The following CERS2 variants were observed in gnomAD, a reference collection of about 807,000 sequenced individuals.
The protein encoded by CERS2 is LAG1 homolog, ceramide synthase 2.
A neutral mutation model predicts 56.6 loss-of-function variants in CERS2; 20 were observed. The ratio of observed to expected loss-of-function variants is 0.35; its 90% CI spans 0.25 to 0.51. The LOEUF is 0.51. Among genes scored for constraint, CERS2 ranks in the 20% least tolerant of loss-of-function variants. The probability of loss-of-function intolerance (pLI) is 0.96; values close to 1 mark genes in which losing one functional copy is unlikely to be tolerated. For synonymous variants in CERS2, 187 were observed against 175.4 expected (o/e 1.07, Z -0.52); for missense variants, 361 against 488.6 (o/e 0.74, Z 2.46).
chr1:150,965,870 GA>G lies in CERS2; in HGVS notation c.*277del, dbSNP rs1277332315. ...AACCCCTACCCACAGAGAGCTGAGG[GA>G]GGGCCTCAAAAGCAGTAGAAAGGAT... On this transcript the variant is annotated 3_prime_UTR_variant, in exon 11 of 11. Coordinates refer to ENST00000368954, the MANE Select transcript of CERS2 (RefSeq NM_022075.5). 3 of 363,944 alleles carry G rather than the reference GA, an allele frequency of 8.2e-6. No individual in the cohort carries two copies. In the Admixed American group the frequency reaches 1.4e-4, roughly 17 times the overall value. 22.5% of individuals were successfully genotyped at this position (363,944 alleles called of 1,614,324 possible).
At chr1:150,972,892 G>A (rs1671219140) in intron 1 of CERS2, among the ~76,000 whole-genome samples, 1 of 152,232 alleles carries the variant, frequency 6.6e-6, no homozygotes, top group Admixed American at 6.5e-5. Flanking sequence ...CCCCATGGGA[G>A]TTTGTAGATC....
chr1:150,967,652 C>T lies in CERS2; in HGVS notation c.519+12G>A. ...CTTAGTCCACCCCCACATGAGGAAG[C>T]AGAACTCATACCTGTATGGGATATC... On this transcript the variant is annotated intron_variant, in intron 6 of 10. Coordinates refer to ENST00000368954, the MANE Select transcript of CERS2 (RefSeq NM_022075.5). 6.2e-7 allele frequency: 1 copy of T among 1,609,636 alleles called. No homozygotes were observed. Among genetic ancestry groups the T allele is most frequent in the East Asian group, 2.2e-5 (1 of 44,874 alleles).
Position 150,966,170 on chromosome 1 carries a change from T to G in CERS2, c.1121A>C (p.Asn374Thr). The change falls in exon 11 of 11, where the codon AAC (asparagine) becomes ACC (threonine). Residue 374 changes from asparagine to threonine, a missense_variant. By Grantham distance (65) the Asn-to-Thr change is moderately conservative. Transcript: ENST00000368954. Reference protein sequence around the residue: ...PLANGHPILNNNHRKND With the variant: ...PLANGHPILNTNHRKND Reference sequence around the variant, plus strand: ...GGTTCAGTCATTCTTACGATGGTTGTTATTGAGGATGGGGTGGCCATTGGC... The same window carrying G: ...GGTTCAGTCATTCTTACGATGGTTGGTATTGAGGATGGGGTGGCCATTGGC... 2 of 1,608,678 alleles carry G rather than the reference T, an allele frequency of 1.2e-6. No homozygotes were observed. The highest frequency in any genetic ancestry group is 1.7e-6 in the Non-Finnish European group (2 of 1,178,620).
rs1227227699 is a variant in CERS2 at position 150,966,471 on chromosome 1, T to C, written c.1002+5A>G. 1.9e-6 allele frequency: 3 copies of C among 1,614,018 alleles called. No individual in the cohort carries two copies. The highest frequency in any genetic ancestry group is 2.5e-6 in the Non-Finnish European group (3 of 1,180,022). ...AAGGCCTACACAATGGGAACAGGGC[T>C]TCACCTTTCCAGTTATGAACTTGTG... On this transcript the variant is annotated splice_donor_5th_base_variant and intron_variant, in intron 10 of 10. Coordinates refer to ENST00000368954, the MANE Select transcript of CERS2 (RefSeq NM_022075.5).
chr1:150,973,172 GT>G (rs908183770), intron 1 of CERS2: 57 of 152,400 alleles, frequency 3.7e-4, no homozygotes, highest in African/African-American at 1.3e-3. Context: ...AATGAGAGGT[GT>G]GTTATCCCTC....
rs376807185 is a variant in CERS2, at chr1:150,966,642, G to A, written c.849-13C>T. On this transcript the variant is annotated splice_polypyrimidine_tract_variant and intron_variant, in intron 9 of 10. Transcript: ENST00000368954. ...GCAATGCAGGATCCTGAGGATTCAA[G>A]GAGAGAGAGAACGTGGACAAGAGCA... 6.2e-7 allele frequency: 1 copy of A among 1,613,696 alleles called. No individual in the cohort carries two copies. The highest frequency in any genetic ancestry group is 1.3e-5 in the African/African-American group (1 of 74,830).
intron 8 of CERS2, 89 bp from the exon 9 acceptor site, chr1:150,966,951 GT>G (rs1671041531): frequency 7.0e-7 from 1 of 1,437,376 alleles, no homozygotes; most frequent in Non-Finnish European, 9.8e-7. Flanking sequence ...CACTGACTCT[GT>G]GCCCTCCTCC....
At chr1:150,966,389 C>T in intron 10 of CERS2, 87 bp downstream of exon 10, 5 of 1,599,732 alleles carry the variant, frequency 3.1e-6, no homozygotes, top group Non-Finnish European at 4.3e-6. Flanking sequence ...GGGCTCCACA[C>T]TAGTTTTTTA....
rs942003952 is a variant in CERS2 at position 150,967,166 on chromosome 1, T to C, written c.649A>G (p.Ile217Val). ...KEQIIHHVAT[I>V]ILISFSWFAN... ...AACCAGGAAAAGCTGATGAGAATGATGGTGGCCACATGGTGGATGATCTGT... is the reference window on the plus strand; with the variant it reads ...AACCAGGAAAAGCTGATGAGAATGACGGTGGCCACATGGTGGATGATCTGT... Residue 217 changes from isoleucine (I) to valine (V), a missense_variant, in exon 8 of 11, where the codon ATC becomes GTC. Around this residue, in one of 3 missense-constraint regions of CERS2, gnomAD observed 236 missense variants for 309.2 expected, o/e 0.76. Transcript: ENST00000368954. 5.0e-6 allele frequency: 8 copies of C among 1,613,800 alleles called. No homozygotes were observed. Among genetic ancestry groups the C allele is most frequent in the Non-Finnish European group, 6.8e-6 (8 of 1,179,682 alleles).
chr1:150,969,082 C>G lies in CERS2; in HGVS notation c.9G>C (p.Gln3His), dbSNP rs1413539514. 1 of 1,613,782 alleles carries G rather than the reference C, an allele frequency of 6.2e-7. No individual in the cohort carries two copies. Among genetic ancestry groups the G allele is most frequent in the South Asian group, 1.1e-5 (1 of 91,074 alleles). The change falls in exon 2 of 11, where the codon CAG (glutamine) becomes CAC (histidine). Residue 3 changes from glutamine (Q) to histidine (H), a missense_variant. This residue lies in a region of CERS2 where 236 missense variants were observed against 309.2 expected (regional missense o/e 0.76). Transcript: ENST00000368954. ML[Q>H]TLYDYFWWER... ...CCCACCAGAAGTAATCATACAAGGT[C>G]TGGAGCATCCTGAGTGAGGGGCAAA...
intron 1 of CERS2, chr1:150,974,365 C>T (rs1421820355): frequency 3.3e-5 from 5 of 150,558 alleles, no homozygotes; most frequent in South Asian, 2.1e-4. Context: ...CTGCCGCGGA[C>T]ACCGCGGCGC....
At chr1:150,972,637 C>T (rs1470346004) in intron 1 of CERS2, among the ~76,000 whole-genome samples, 2 of 152,230 alleles carry the variant, frequency 1.3e-5, no homozygotes, top group Non-Finnish European at 2.9e-5. Context: ...TCCACCCAGA[C>T]TTCACTCCCC....
chr1:150,966,265 G>C lies in CERS2; in HGVS notation c.1026C>G (p.Asp342Glu). The change falls in exon 11 of 11, where the codon GAC becomes GAG. Residue 342 changes from aspartate to glutamate, a missense_variant. Asp to Glu is a conservative substitution (Grantham distance 45, BLOSUM62 2). This residue lies in a region of CERS2 where 122 missense variants were observed against 151.9 expected (regional missense o/e 0.80). Transcript: ENST00000368954. ...CCTCTGAGCTCTCTGTTTCTTCCCG[G>C]TCACTGCGTTCATCTTCTACCAGCT... ...TGKLVEDERS[D>E]REETESSEGE... is the part of the protein sequence containing the mutation. 6.2e-7 allele frequency: 1 copy of C among 1,611,402 alleles called. No homozygotes were observed.
In CERS2 at chr1:150,966,336, C is replaced by A. The variant is rs188189438; in HGVS notation, c.1003-48G>T. 14,075 of 1,604,470 alleles carry A rather than the reference C, an allele frequency of 8.8e-3. 95 individuals are homozygous for A. The highest frequency in any genetic ancestry group is 0.011 in the Non-Finnish European group (12,696 of 1,176,400). Reference sequence around the variant, plus strand: ...GTTATTACATGAGATCCTCAAACCCCTAAGTACTGCTTCTCTCTGAGGGCT... The same window carrying A: ...GTTATTACATGAGATCCTCAAACCCATAAGTACTGCTTCTCTCTGAGGGCT... On this transcript the variant is annotated intron_variant, in intron 10 of 10. Coordinates refer to ENST00000368954, the MANE Select transcript of CERS2 (RefSeq NM_022075.5).
rs1671024432 is a variant in CERS2 at position 150,966,607 on chromosome 1, ACAC to A, written c.868_870del (p.Val290del). Reference sequence around the variant, plus strand: ...AAGGCAGGATAGAGCTCCAGTGGGTACACCAGGGTGCAATGCAGGATCCTGAGG... The same window carrying A: ...AAGGCAGGATAGAGCTCCAGTGGGTACAGGGTGCAATGCAGGATCCTGAGG... On this transcript the variant is annotated inframe_deletion, in exon 10 of 11. Coordinates refer to ENST00000368954, the MANE Select transcript of CERS2 (RefSeq NM_022075.5). 1 of 1,613,932 alleles carries A rather than the reference ACAC, an allele frequency of 6.2e-7. No individual in the cohort carries two copies. The highest frequency in any genetic ancestry group is 8.5e-7 in the Non-Finnish European group (1 of 1,180,000).
Position 150,965,866 on chromosome 1 carries a change from G to A in CERS2, c.*282C>T. On this transcript the variant is annotated 3_prime_UTR_variant, in exon 11 of 11. Coordinates refer to ENST00000368954, the MANE Select transcript of CERS2 (RefSeq NM_022075.5). ...TTGTAACCCCTACCCACAGAGAGCT[G>A]AGGGAGGGCCTCAAAAGCAGTAGAA... 2.8e-6 allele frequency: 1 copy of A among 357,280 alleles called. No homozygotes were observed. 22.1% of individuals were successfully genotyped at this position (357,280 alleles called of 1,614,324 possible). A position where few individuals can be genotyped will look rare whatever the true frequency, so the allele number is the denominator to read the frequency against.
chr1:150,967,493 GGAGA>G lies in CERS2; in HGVS notation c.520-13_520-10del, dbSNP rs1558032198. 1 of 1,542,644 alleles carries G rather than the reference GGAGA, an allele frequency of 6.5e-7. No individual in the cohort carries two copies. The highest frequency in any genetic ancestry group is 1.1e-5 in the South Asian group (1 of 89,626). Reference sequence around the variant, plus strand: ...TGGGAAGGGATAGTGCTCTGGGAGAGGAGAGAGAGGTAAGAGCAACCAGCCGCAA... The same window carrying G: ...TGGGAAGGGATAGTGCTCTGGGAGAGGAGAGGTAAGAGCAACCAGCCGCAA... On this transcript the variant is annotated splice_polypyrimidine_tract_variant and intron_variant, in intron 6 of 10. Coordinates refer to ENST00000368954, the MANE Select transcript of CERS2 (RefSeq NM_022075.5).
Position 150,966,518 on chromosome 1 carries a change from G to C in CERS2, c.960C>G (p.Ala320=). Residue 320 remains alanine, a synonymous_variant, in exon 10 of 11, where the codon GCC becomes GCG. Transcript: ENST00000368954. ...GVLQLLHIFW[A]YLILRMAHKF... ...TGTGGGCCATGCGCAAAATGAGGTA[G>C]GCCCAGAAGATATGCAGCAGCTGTA... The C allele has an allele frequency of 6.2e-7, 1 of 1,614,120 alleles. No individual in the cohort carries two copies. Among genetic ancestry groups the C allele is most frequent in the Non-Finnish European group, 8.5e-7 (1 of 1,180,012 alleles).
In CERS2 at chr1:150,966,109, G is replaced by T; in HGVS notation, c.*39C>A. The T allele has an allele frequency of 6.2e-7, 1 of 1,600,208 alleles. No individual in the cohort carries two copies. Among genetic ancestry groups the T allele is most frequent in the Non-Finnish European group, 8.5e-7 (1 of 1,172,742 alleles). On this transcript the variant is annotated 3_prime_UTR_variant, in exon 11 of 11. Coordinates refer to ENST00000368954, the MANE Select transcript of CERS2 (RefSeq NM_022075.5). Reference sequence around the variant, plus strand: ...GCGCAGGGAGCGGGGTAGTTCCTTGGCTTTATGCATTAATCTGGGAGGCAG... The same window carrying T: ...GCGCAGGGAGCGGGGTAGTTCCTTGTCTTTATGCATTAATCTGGGAGGCAG...
Sources: gnomAD v4.1 joint callset for allele counts (sites outside exome capture counted in the v4.1 genomes callset) on GRCh38, gnomAD v4.1.1 for gene constraint, gnomAD v4.1.1 regional missense constraint, MANE v1.5 for transcripts, NCBI Gene and HGNC (gene_info 2026-07-23, HGNC 2026-07-21) for gene names.